TMEM117: variants seen among roughly 807,000 people sequenced by gnomAD.
TMEM117 encodes transmembrane protein 117.
In TMEM117, 27 loss-of-function variants were observed where a neutral mutation model predicts 52.4. The ratio of observed to expected loss-of-function variants is 0.51; its 90% CI spans 0.38 to 0.71. The LOEUF (loss-of-function observed/expected upper bound fraction) is 0.71. Among genes scored for constraint, TMEM117 ranks in the 30% least tolerant of loss-of-function variants. The pLI is 0.00. For missense variants in TMEM117, 556 were observed against 630.5 expected (o/e 0.88, Z 1.26); for synonymous variants, 215 against 206.3 (o/e 1.04, Z -0.36).
chr12:44,092,936 G>C (rs1197393650), intron 3 of TMEM117, among the ~76,000 whole-genome samples: 2 of 152,154 alleles, frequency 1.3e-5, no homozygotes, highest in African/African-American at 2.4e-5. Context: ...TGCAGTACAG[G>C]AAATTGACTT....
At chr12:43,852,700 TTGAC>T (rs1943331739) in intron 2 of TMEM117, among the ~76,000 whole-genome samples, 1 of 152,256 alleles carries the variant, frequency 6.6e-6, no homozygotes, top group Non-Finnish European at 1.5e-5. Flanking sequence ...TCAAGTTACT[TTGAC>T]TGAATAGCTT....
chr12:44,251,143 G>C (rs990911089), intron 5 of TMEM117, among the ~76,000 whole-genome samples: 1 of 152,160 alleles, frequency 6.6e-6, no homozygotes, highest in African/African-American at 2.4e-5. Context: ...ACTCCAGAGT[G>C]AATGACACCT....
At chr12:44,312,789 T>C (rs1262716823) in intron 6 of TMEM117, among the ~76,000 whole-genome samples, 1 of 152,104 alleles carries the variant, frequency 6.6e-6, no homozygotes, top group Non-Finnish European at 1.5e-5. Flanking sequence ...TTTATTTTTA[T>C]AATAGCCATT....
chr12:44,162,341 C>A (rs1488684896), intron 4 of TMEM117, among the ~76,000 whole-genome samples: 1 of 152,158 alleles, frequency 6.6e-6, no homozygotes, highest in Non-Finnish European at 1.5e-5. Flanking sequence ...CCTCAATATT[C>A]TTCTGCATGA....
chr12:43,888,854 G>A (rs758646046), intron 2 of TMEM117, among the ~76,000 whole-genome samples: 19 of 151,876 alleles, frequency 1.3e-4, no homozygotes, highest in Non-Finnish European at 2.1e-4. Flanking sequence ...TGCCACATTA[G>A]TTAATTATTA....
intron 4 of TMEM117, among the ~76,000 whole-genome samples, chr12:44,174,238 G>T (rs1002595001): frequency 1.3e-5 from 2 of 152,000 alleles, no homozygotes; most frequent in Non-Finnish European, 2.9e-5. Flanking sequence ...TATGACCCTT[G>T]GGCCATATCC....
At chr12:44,232,909 G>T (rs1949950761) in intron 5 of TMEM117, among the ~76,000 whole-genome samples, 1 of 150,612 alleles carries the variant, frequency 6.6e-6, no homozygotes, top group South Asian at 2.1e-4. Context: ...GTGAGTTATA[G>T]TTTTTTTTAA....
intron 4 of TMEM117, among the ~76,000 whole-genome samples, chr12:44,193,300 A>G (rs866062980): frequency 4.6e-5 from 7 of 152,218 alleles, no homozygotes; most frequent in Non-Finnish European, 8.8e-5. Flanking sequence ...CACTTTGGCT[A>G]TATAATTTTT....
chr12:44,098,289 G>C (rs1426827276), intron 3 of TMEM117, among the ~76,000 whole-genome samples: 1 of 152,012 alleles, frequency 6.6e-6, no homozygotes, highest in Non-Finnish European at 1.5e-5. Context: ...GCATGATGTG[G>C]CTGAGCATTG....
At chr12:44,110,384 A>G (rs1948038854) in intron 3 of TMEM117, among the ~76,000 whole-genome samples, 1 of 41,384 alleles carries the variant, frequency 2.4e-5, no homozygotes, top group Non-Finnish European at 4.3e-5. Flanking sequence ...CGTCCCATCA[A>G]TACCTAATTT....
intron 4 of TMEM117, among the ~76,000 whole-genome samples, chr12:44,154,454 C>T (rs1183133783): frequency 6.6e-6 from 1 of 151,866 alleles, no homozygotes; most frequent in Non-Finnish European, 1.5e-5. Flanking sequence ...AGAGAGAAGC[C>T]ATCTGTTTTC....
chr12:44,319,583 G>A (rs1158252265), intron 6 of TMEM117, among the ~76,000 whole-genome samples: 1 of 152,180 alleles, frequency 6.6e-6, no homozygotes, highest in Non-Finnish European at 1.5e-5. Context: ...GAATTAAAAT[G>A]TATGATTTTG....
intron 4 of TMEM117, among the ~76,000 whole-genome samples, chr12:44,159,492 G>C (rs1592568171): frequency 6.6e-6 from 1 of 152,074 alleles, no homozygotes; most frequent in Non-Finnish European, 1.5e-5. Flanking sequence ...TTGCAGAGCT[G>C]TGCTTTTGAA....
At chr12:43,903,774 A>T (rs1944341612) in intron 2 of TMEM117, among the ~76,000 whole-genome samples, 1 of 152,134 alleles carries the variant, frequency 6.6e-6, no homozygotes, top group Non-Finnish European at 1.5e-5. Context: ...AGCCTGGGCC[A>T]TTTATATGCC....
chr12:44,275,530 G>T (rs59594716), intron 5 of TMEM117, among the ~76,000 whole-genome samples: 2,850 of 152,090 alleles, frequency 0.019, 76 homozygotes, highest in African/African-American at 0.065. Context: ...CAATAGCCAC[G>T]ATTTGGAAGC....
intron 6 of TMEM117, among the ~76,000 whole-genome samples, chr12:44,349,516 T>C (rs946415817): frequency 6.6e-6 from 1 of 152,028 alleles, no homozygotes; most frequent in Non-Finnish European, 1.5e-5. Context: ...TGTCCCTCCA[T>C]TATTAATCAC....
At chr12:43,798,617 C>T in the TMEM117 span, 4 of 1,486,646 alleles carry the variant, frequency 2.7e-6, no homozygotes, top group South Asian at 5.2e-5. Flanking sequence ...AACTATCAAA[C>T]TCGTAAAAAA....
chr12:44,144,677 G>A (rs1251931473), intron 4 of TMEM117, among the ~76,000 whole-genome samples: 1 of 152,078 alleles, frequency 6.6e-6, no homozygotes, highest in Non-Finnish European at 1.5e-5. Context: ...ACTACCAAAG[G>A]GTTTGTATGG....
intron 2 of TMEM117, among the ~76,000 whole-genome samples, chr12:43,893,108 A>G (rs1309923759): frequency 6.6e-6 from 1 of 152,240 alleles, no homozygotes; most frequent in East Asian, 1.9e-4. Flanking sequence ...CAACAAACAG[A>G]TTATGTTGGC....
Sources: allele counts gnomAD v4.1 joint callset (sites outside exome capture counted in the v4.1 genomes callset), GRCh38; gene constraint gnomAD v4.1.1; transcripts MANE v1.5; gene names NCBI Gene and HGNC (gene_info 2026-07-23, HGNC 2026-07-21).